Variants in TNS3 observed in about 807,000 individuals in gnomAD.
The protein encoded by TNS3 is tensin 3, also known as tensin-3.
A neutral mutation model predicts 140.9 loss-of-function variants in TNS3; 45 were observed. The ratio of observed to expected loss-of-function variants is 0.32; its 90% confidence interval spans 0.25 to 0.41. The LOEUF (loss-of-function observed/expected upper bound fraction) is 0.41. TNS3 is among the 10% of genes least tolerant of loss of function. The probability of loss-of-function intolerance (pLI) is 1.00; values close to 1 mark genes in which losing one functional copy is unlikely to be tolerated. For missense variants in TNS3, 1,716 were observed against 1,906.7 expected (o/e 0.90, Z 1.86); for synonymous variants, 815 against 788.4 (o/e 1.03, Z -0.56).
chr7:47,564,454 G>T (rs373974968), intron 1 of TNS3, among the ~76,000 whole-genome samples: 62 of 151,790 alleles, frequency 4.1e-4, no homozygotes, highest in African/African-American at 1.4e-3. Context: ...TGACCAACAT[G>T]GTGAAATCCC....
chr7:47,348,574 C>T (rs1248041839), intron 17 of TNS3, among the ~76,000 whole-genome samples: 1 of 152,190 alleles, frequency 6.6e-6, no homozygotes, highest in African/African-American at 2.4e-5. Context: ...GAAAAAATGG[C>T]TATGCAAATC....
chr7:47,517,233 A>G (rs1356173711), intron 2 of TNS3, among the ~76,000 whole-genome samples: 1 of 152,070 alleles, frequency 6.6e-6, no homozygotes, highest in African/African-American at 2.4e-5. Context: ...TGCAATAGAA[A>G]CCCTGCTGTG....
At chr7:47,329,876 G>A (rs1788238192) in intron 20 of TNS3, among the ~76,000 whole-genome samples, 1 of 152,150 alleles carries the variant, frequency 6.6e-6, no homozygotes, top group African/African-American at 2.4e-5. Flanking sequence ...CCACAGGGAT[G>A]GGCAGCAGGG....
chr7:47,311,399 AGT>A (rs10617598), intron 20 of TNS3, among the ~76,000 whole-genome samples: 15,708 of 147,256 alleles, frequency 0.11, 877 homozygotes, highest in Admixed American at 0.18. Context: ...GAACTTAAAG[AGT>A]GTGTGTGTGT....
Position 47,411,770 on chromosome 7 carries a change from C to T in TNS3, c.680G>A (p.Cys227Tyr). ...AAGCTGGGCCGGCTCGATGACGATG[C>T]AGATCCTGCTGGGGTTTTCTGGGCC... Reference protein sequence around the residue: ...NVGPENPSRICIVIEPAQLLK... With the variant: ...NVGPENPSRIYIVIEPAQLLK... The change falls in exon 13 of 31, where the codon TGC (cysteine) becomes TAC (tyrosine). Residue 227 changes from cysteine to tyrosine, a missense_variant. Physicochemically the swap from Cys to Tyr is radical, Grantham distance 194. Around this residue, in one of 3 missense-constraint regions of TNS3, gnomAD observed 337 missense variants for 428.9 expected, o/e 0.79. Transcript: ENST00000311160. 1.2e-6 allele frequency: 2 copies of T among 1,613,378 alleles called. No individual in the cohort carries two copies. Among genetic ancestry groups the T allele is most frequent in the South Asian group, 1.1e-5 (1 of 90,818 alleles).
intron 4 of TNS3, chr7:47,453,129 A>G: frequency 3.0e-6 from 3 of 985,716 alleles, no homozygotes; most frequent in Non-Finnish European, 3.6e-6. Flanking sequence ...GGGAGTCCCC[A>G]GAACCACAGC....
In TNS3 at chr7:47,407,589, G is replaced by A. The variant is rs897615032; in HGVS notation, c.723+4138C>T. Reference sequence around the variant, plus strand: ...AGAGGTTTATTTAATAAACAGACTTGTTACAGGCTGAATGGTGTCCTTCCA... The same window carrying A: ...AGAGGTTTATTTAATAAACAGACTTATTACAGGCTGAATGGTGTCCTTCCA... On this transcript the variant is annotated intron_variant, in intron 13 of 30. Transcript: ENST00000311160. The surrounding 1 kb of genome is among the most constrained non-coding windows in gnomAD (Gnocchi z 4.1). Among the ~76,000 whole-genome samples, 1 of 152,222 alleles carries A rather than the reference G, an allele frequency of 6.6e-6. No homozygotes were observed. The highest frequency in any genetic ancestry group is 2.4e-5 in the African/African-American group (1 of 41,454).
At chr7:47,434,127 C>T (rs1026778571) in intron 8 of TNS3, among the ~76,000 whole-genome samples, 1 of 152,050 alleles carries the variant, frequency 6.6e-6, no homozygotes, top group Non-Finnish European at 1.5e-5. Flanking sequence ...AAGTTTTCTG[C>T]ACATCAAGTG....
At chr7:47,428,820 T>C (rs919807299) in intron 8 of TNS3, among the ~76,000 whole-genome samples, 1 of 152,234 alleles carries the variant, frequency 6.6e-6, no homozygotes, top group East Asian at 1.9e-4. Flanking sequence ...TCCAGCTTAC[T>C]GGCAGCACTG....
intron 17 of TNS3, 63 bp downstream of exon 17, chr7:47,368,302 A>G: frequency 7.2e-7 from 1 of 1,393,558 alleles, no homozygotes; most frequent in Non-Finnish European, 9.3e-7. Context: ...CTGATTTCTC[A>G]TCACACATTA....
chr7:47,339,815 G>T (rs936396119), intron 20 of TNS3, among the ~76,000 whole-genome samples: 3 of 151,958 alleles, frequency 2.0e-5, no homozygotes, highest in African/African-American at 7.2e-5. Flanking sequence ...TTCCATCCAT[G>T]AAAACAGTAT....
intron 1 of TNS3, among the ~76,000 whole-genome samples, chr7:47,530,445 G>C (rs1228835674): frequency 7.2e-5 from 11 of 152,058 alleles, no homozygotes; most frequent in Admixed American, 7.2e-4. Flanking sequence ...GAGAAGGGCA[G>C]GGAAGGGGGG....
At chr7:47,398,910 T>C (rs1792986968) in intron 15 of TNS3, among the ~76,000 whole-genome samples, 1 of 152,012 alleles carries the variant, frequency 6.6e-6, no homozygotes, top group African/African-American at 2.4e-5. Context: ...GATATGATCA[T>C]ATACCTAGAA....
chr7:47,303,204 T>A lies in TNS3; in HGVS notation c.3203A>T (p.His1068Leu). 1 of 1,613,342 alleles carries A rather than the reference T, an allele frequency of 6.2e-7. No homozygotes were observed. Among genetic ancestry groups the A allele is most frequent in the Non-Finnish European group, 8.5e-7 (1 of 1,179,946 alleles). Residue 1068 changes from histidine to leucine, a missense_variant, in exon 22 of 31, where the codon CAC becomes CTC. By Grantham distance (99) the His-to-Leu change is moderately conservative (BLOSUM62 -3). Coordinates refer to ENST00000311160, the MANE Select transcript of TNS3 (RefSeq NM_022748.12). ...TCCAGGCGCCACCGTGAGAAAGTTG[T>A]GGGACAGGAAGCCATTGTCGGCAGC... The part of the protein sequence containing the change: ...TGAADNGFLS[H>L]NFLTVAPGHS...
chr7:47,446,662 G>C (rs1795746597), intron 4 of TNS3, among the ~76,000 whole-genome samples: 1 of 62,392 alleles, frequency 1.6e-5, no homozygotes, highest in Non-Finnish European at 3.6e-5. Flanking sequence ...AGGTAAGCCT[G>C]CAAAGACCGC....
intron 17 of TNS3, among the ~76,000 whole-genome samples, chr7:47,351,032 G>A (rs753244997): frequency 3.9e-5 from 6 of 152,124 alleles, no homozygotes; most frequent in Non-Finnish European, 7.4e-5. Flanking sequence ...TATTTTTTCG[G>A]AAATGTTTCT....
At chr7:47,466,218 T>C (rs1469515460) in intron 4 of TNS3, among the ~76,000 whole-genome samples, 1 of 151,822 alleles carries the variant, frequency 6.6e-6, no homozygotes, top group African/African-American at 2.4e-5. Context: ...AGTGGTACAA[T>C]CTCGGCTCAC....
chr7:47,408,553 C>G (rs1793574861), intron 13 of TNS3, among the ~76,000 whole-genome samples: 1 of 152,240 alleles, frequency 6.6e-6, no homozygotes, highest in East Asian at 1.9e-4. Context: ...AGGAAAGTGA[C>G]CTGGTGATGC....
intron 1 of TNS3, among the ~76,000 whole-genome samples, chr7:47,530,152 C>A (rs1248738263): frequency 6.6e-6 from 1 of 152,134 alleles, no homozygotes; most frequent in Non-Finnish European, 1.5e-5. Flanking sequence ...AATAACTATT[C>A]TATATGCTAG....
Sources: gnomAD v4.1 joint callset for allele counts (sites outside exome capture counted in the v4.1 genomes callset) on GRCh38, gnomAD v4.1.1 for gene constraint, gnomAD v4.1.1 regional missense constraint, Gnocchi (gnomAD v3.1) non-coding constraint, MANE v1.5 for transcripts, NCBI Gene and HGNC (gene_info 2026-07-23, HGNC 2026-07-21) for gene names.